PCDHGA8: variants seen among roughly 807,000 people sequenced by gnomAD.
PCDHGA8 encodes the protein protocadherin gamma-A8.
A neutral mutation model predicts 59.2 loss-of-function variants in PCDHGA8; 45 were observed. That is an observed-to-expected ratio of 0.76 (90% CI 0.60 to 0.98). The LOEUF (loss-of-function observed/expected upper bound fraction) is 0.98. Ranked by LOEUF, PCDHGA8 falls within the 50% of genes least tolerant of loss-of-function variation. PCDHGA8 has a pLI of 0.00. For missense variants in PCDHGA8, 1,257 were observed against 1,196.2 expected (o/e 1.05, Z -0.75); for synonymous variants, 531 against 519.0 (o/e 1.02, Z -0.32).
At position 141,491,137 on chromosome 5, in the gene PCDHGA8, GC is replaced by G. The variant is rs1373404184; in HGVS notation, c.2425-3668del. ...CACTGGTGAGGTGCGCACAGCCCGG[GC>G]CTTACTGGAGGATGACTCTGACACC... On this transcript the variant is annotated intron_variant, in intron 1 of 3. Transcript: ENST00000398604. This position sits in a 1 kb window ranked among gnomAD's most constrained non-coding sequence, Gnocchi z 6.9. The G allele has an allele frequency of 1.2e-6, 2 of 1,614,156 alleles. No individual in the cohort carries two copies. Among genetic ancestry groups the G allele is most frequent in the Non-Finnish European group, 1.7e-6 (2 of 1,180,008 alleles).
intron 1 of PCDHGA8, among the ~76,000 whole-genome samples, chr5:141,438,788 A>G (rs1024095720): frequency 3.3e-5 from 5 of 149,742 alleles, no homozygotes; most frequent in Non-Finnish European, 7.4e-5. Flanking sequence ...CAGCCTCTCC[A>G]GTAGCTGGGA....
intron 1 of PCDHGA8, among the ~76,000 whole-genome samples, chr5:141,445,668 G>C (rs899062385): frequency 6.6e-6 from 1 of 152,156 alleles, no homozygotes; most frequent in Non-Finnish European, 1.5e-5. Flanking sequence ...ATGAGTAGAA[G>C]TTATCTAGGT....
At chr5:141,478,051 G>A (rs751371411) in intron 1 of PCDHGA8, 2 of 1,614,088 alleles carry the variant, frequency 1.2e-6, no homozygotes, top group East Asian at 2.2e-5. Context: ...AGACTCTCAC[G>A]GTCTTGATCA....
At chr5:141,433,320 T>A in intron 1 of PCDHGA8, 1 of 792,046 alleles carries the variant, frequency 1.3e-6, no homozygotes, top group Non-Finnish European at 2.0e-6. Flanking sequence ...TTGCCTCCGG[T>A]GTAACAGGGA....
Position 141,431,386 on chromosome 5 carries a change from C to A in PCDHGA8, c.2424+36149C>A. The stretch of plus-strand genomic sequence containing the variant: ...ACCGCGAAGAAAAGGCTGCTCACCA[C>A]CTGGTCCTTACGGCCTCCGACGGGG... On this transcript the variant is annotated intron_variant, in intron 1 of 3. Coordinates refer to ENST00000398604, the MANE Select transcript of PCDHGA8 (RefSeq NM_032088.2). The surrounding 1 kb of genome is among the most constrained non-coding windows in gnomAD (Gnocchi z 4.8). The A allele has an allele frequency of 6.2e-7, 1 of 1,613,924 alleles. No individual in the cohort carries two copies. Among genetic ancestry groups the A allele is most frequent in the Non-Finnish European group, 8.5e-7 (1 of 1,180,038 alleles).
At chr5:141,413,531 A>G (rs1472068242) in intron 1 of PCDHGA8, 6 of 1,613,818 alleles carry the variant, frequency 3.7e-6, no homozygotes, top group Non-Finnish European at 5.1e-6. Flanking sequence ...GACAGGGTGA[A>G]ACTTTTTGGG....
intron 1 of PCDHGA8, among the ~76,000 whole-genome samples, chr5:141,461,390 C>T (rs1220034894): frequency 2.0e-5 from 3 of 152,080 alleles, no homozygotes; most frequent in East Asian, 3.9e-4. Context: ...TGATGATTAG[C>T]GATGTTGAGC....
chr5:141,469,552 C>G (rs956606902), intron 1 of PCDHGA8, among the ~76,000 whole-genome samples: 1 of 151,910 alleles, frequency 6.6e-6, no homozygotes, highest in African/African-American at 2.4e-5. Context: ...TCCAGCCTGG[C>G]GACAGAGTGA....
At chr5:141,495,213 C>T (rs568314100) in intron 2 of PCDHGA8, among the ~76,000 whole-genome samples, 1 of 152,326 alleles carries the variant, frequency 6.6e-6, no homozygotes, top group South Asian at 2.1e-4. Flanking sequence ...AACCCCCTCC[C>T]CTGAGTTGAG....
chr5:141,505,118 C>T (rs544825360), intron 2 of PCDHGA8, among the ~76,000 whole-genome samples: 32 of 152,222 alleles, frequency 2.1e-4, no homozygotes, highest in African/African-American at 7.5e-4. Flanking sequence ...GCCAAGATCG[C>T]GCCACTGCAC....
intron 1 of PCDHGA8, among the ~76,000 whole-genome samples, chr5:141,445,929 A>G (rs1388363296): frequency 6.6e-6 from 1 of 152,208 alleles, no homozygotes; most frequent in Non-Finnish European, 1.5e-5. Context: ...AAGATATTTG[A>G]ATTATTAAGC....
At chr5:141,408,373 T>C in intron 1 of PCDHGA8, 1 of 1,613,952 alleles carries the variant, frequency 6.2e-7, no homozygotes, top group Non-Finnish European at 8.5e-7. Flanking sequence ...TAGGGCTCAG[T>C]GTCCTGGATG....
chr5:141,397,992 C>T (rs1449951628), intron 1 of PCDHGA8: 3 of 1,349,734 alleles, frequency 2.2e-6, no homozygotes, highest in Non-Finnish European at 3.0e-6. Context: ...ACACCGCTTC[C>T]TCCTCGGAAA....
At chr5:141,443,952 A>T (rs1355073040) in intron 1 of PCDHGA8, among the ~76,000 whole-genome samples, 4 of 152,134 alleles carry the variant, frequency 2.6e-5, no homozygotes, top group Non-Finnish European at 4.4e-5. Context: ...CCTTATTGGT[A>T]TGTATTCTGT....
At chr5:141,457,791 A>G (rs554446263) in intron 1 of PCDHGA8, among the ~76,000 whole-genome samples, 1 of 152,318 alleles carries the variant, frequency 6.6e-6, no homozygotes, top group South Asian at 2.1e-4. Flanking sequence ...GAGTTGGGTT[A>G]TCCTCTCCTC....
At chr5:141,444,788 G>T (rs775248284) in intron 1 of PCDHGA8, among the ~76,000 whole-genome samples, 59 of 151,920 alleles carry the variant, frequency 3.9e-4, no homozygotes, top group Non-Finnish European at 5.7e-4. Context: ...TGTTTCATTT[G>T]TCTATTCTTT....
chr5:141,481,200 T>A (rs977235584), intron 1 of PCDHGA8, among the ~76,000 whole-genome samples: 2 of 152,178 alleles, frequency 1.3e-5, no homozygotes, highest in Non-Finnish European at 2.9e-5. Flanking sequence ...CCAATTTTTT[T>A]AAAAAACATG....
At chr5:141,464,682 T>C (rs1442997972) in intron 1 of PCDHGA8, among the ~76,000 whole-genome samples, 1 of 152,132 alleles carries the variant, frequency 6.6e-6, no homozygotes, top group Non-Finnish European at 1.5e-5. Flanking sequence ...TTAATTAAAA[T>C]TTCTCTTATT....
chr5:141,392,827 A>G lies in PCDHGA8; in HGVS notation c.14A>G (p.Gln5Arg). MAAPQSRPRRGELIL... is the reference protein window; with the variant it reads MAAPRSRPRRGELIL... ...AGCAAAACAACAATGGCCGCTCCAC[A>G]GAGTCGCCCCAGACGCGGCGAGCTG... The change falls in exon 1 of 4, where the codon CAG (glutamine) becomes CGG (arginine). Residue 5 changes from glutamine to arginine, a missense_variant. Physicochemically the swap from Gln to Arg is conservative, Grantham distance 43. Coordinates refer to ENST00000398604, the MANE Select transcript of PCDHGA8 (RefSeq NM_032088.2). 4 of 1,601,944 alleles carry G rather than the reference A, an allele frequency of 2.5e-6. No individual in the cohort carries two copies. The highest frequency in any genetic ancestry group is 3.4e-6 in the Non-Finnish European group (4 of 1,174,156).
Sources: gnomAD v4.1 joint callset for allele counts (sites outside exome capture counted in the v4.1 genomes callset) on GRCh38, gnomAD v4.1.1 for gene constraint, Gnocchi (gnomAD v3.1) non-coding constraint, MANE v1.5 for transcripts, NCBI Gene and HGNC (gene_info 2026-07-23, HGNC 2026-07-21) for gene names.